Variants in NFILZ observed in about 807,000 individuals in gnomAD.
NFILZ encodes NFIL3 like protein.
intron 3 of NFILZ, 115 bp downstream of exon 3, chr19:8,635,861 G>A (rs527365579): frequency 1.3e-5 from 2 of 152,106 alleles, no homozygotes; most frequent in African/African-American, 4.8e-5. Context: ...TTATTAGACA[G>A]GGTCTTGCTC....
chr19:8,641,465 C>T (rs1367665008), intron 3 of NFILZ, among the ~76,000 whole-genome samples: 6 of 152,146 alleles, frequency 3.9e-5, no homozygotes, highest in Non-Finnish European at 7.3e-5. Flanking sequence ...ATATATTTAC[C>T]CAAAAGATTT....
rs2042953814 is a variant in NFILZ at position 8,648,916 on chromosome 19, T to C, written c.-164+13170T>C. ...GTGATTTCAGGAAGCCCCTATCTTT[T>C]CTTTCAAGGCCCTTATCTCACCCTA... On this transcript the variant is annotated intron_variant, in intron 3 of 5. Coordinates refer to ENST00000691075, the MANE Select transcript of NFILZ (RefSeq NM_001378600.1). 2.0e-5 allele frequency among the ~76,000 whole-genome samples: 3 copies of C among 152,104 alleles called. No homozygotes were observed. In the South Asian group the frequency reaches 6.2e-4, roughly 32 times the overall value.
At chr19:8,663,490 G>GGCGCTGGTGGTGGGGAGGGGTGGA (rs1555749370) in intron 3 of NFILZ, among the ~76,000 whole-genome samples, 2 of 142,724 alleles carry the variant, frequency 1.4e-5, no homozygotes, top group East Asian at 2.1e-4. Context: ...AGGTGGAGGG[G>GGCGCTGGTGGTGGGGAGGGGTGGA]ACGCTGGTGG....
At chr19:8,656,405 C>CCCTGAAGCCCCCT (rs2042999269) in intron 3 of NFILZ, among the ~76,000 whole-genome samples, 1 of 101,174 alleles carries the variant, frequency 9.9e-6, no homozygotes, top group Non-Finnish European at 2.2e-5. Flanking sequence ...AGCCCACCTT[C>CCCTGAAGCCCCCT]TCTCTGAAAC....
chr19:8,637,127 T>TA, intron 3 of NFILZ, among the ~76,000 whole-genome samples: 1 of 152,046 alleles, frequency 6.6e-6, no homozygotes, highest in Non-Finnish European at 1.5e-5. Flanking sequence ...CCCAGTACTT[T>TA]AAGAGGCCAA....
intron 3 of NFILZ, among the ~76,000 whole-genome samples, chr19:8,636,285 TAAAAATAC>T (rs1437478565): frequency 6.6e-6 from 1 of 150,778 alleles, no homozygotes; most frequent in Non-Finnish European, 1.5e-5. Context: ...CCGTCTCTAC[TAAAAATAC>T]AAAAATTAAC....
intron 3 of NFILZ, among the ~76,000 whole-genome samples, chr19:8,648,046 T>C (rs547221907): frequency 6.0e-5 from 9 of 150,576 alleles, no homozygotes; most frequent in African/African-American, 2.2e-4. Flanking sequence ...TGGTAGCGGG[T>C]GCCTGTAGTC....
At chr19:8,666,299 AACCTTG>A (rs1383580176) in intron 3 of NFILZ, among the ~76,000 whole-genome samples, 1 of 151,290 alleles carries the variant, frequency 6.6e-6, no homozygotes, top group Non-Finnish European at 1.5e-5. Flanking sequence ...AGCTCATTGC[AACCTTG>A]ACCTCCTGGG....
chr19:8,655,945 C>G (rs1237270965), intron 3 of NFILZ, among the ~76,000 whole-genome samples: 1 of 152,016 alleles, frequency 6.6e-6, no homozygotes, highest in Non-Finnish European at 1.5e-5. Context: ...GAGTCTCTGT[C>G]TCTCTCTGTG....
At chr19:8,656,657 A>G (rs942123663) in intron 3 of NFILZ, among the ~76,000 whole-genome samples, 49 of 152,308 alleles carry the variant, frequency 3.2e-4, no homozygotes, top group African/African-American at 1.2e-3. Flanking sequence ...GCCGCCGCCC[A>G]ATGTTTCCCT....
chr19:8,648,217 T>G (rs115739410), intron 3 of NFILZ, among the ~76,000 whole-genome samples: 2,987 of 149,040 alleles, frequency 0.02, 109 homozygotes, highest in African/African-American at 0.07. Context: ...AATGCCGGGC[T>G]TAATACCTAG....
intron 3 of NFILZ, among the ~76,000 whole-genome samples, chr19:8,652,971 CCTT>C (rs2042972024): frequency 1.7e-4 from 18 of 103,836 alleles, no homozygotes; most frequent in African/African-American, 3.1e-4. Flanking sequence ...TTCCTTCCCT[CCTT>C]CCTTCCTTCC....
chr19:8,636,737 G>A (rs1311797038), intron 3 of NFILZ, among the ~76,000 whole-genome samples: 4 of 151,730 alleles, frequency 2.6e-5, no homozygotes, highest in Non-Finnish European at 4.4e-5. Context: ...GATTACAGGC[G>A]TGAGCCACCA....
chr19:8,661,048 C>CCCTCCCTCCCTTCCTTCCT lies in NFILZ; in HGVS notation c.-163-13485_-163-13484insTCCTCCCTCCCTTCCTTCC, dbSNP rs2043028427. ...CCCTCCCTCTCCCTCCCTTCCGTCCCCCTCCCTCCCTTCCTTCCCCCTCCC... is the reference window on the plus strand; with the variant it reads ...CCCTCCCTCTCCCTCCCTTCCGTCCCCCTCCCTCCCTTCCTTCCTCCTCCCTCCCTTCCTTCCCCCTCCC... On this transcript the variant is annotated intron_variant, in intron 3 of 5. Transcript: ENST00000691075. Among the ~76,000 whole-genome samples the CCCTCCCTCCCTTCCTTCCT allele has an allele frequency of 7.7e-4, 78 of 101,362 alleles. 3 individuals carry two copies. Among genetic ancestry groups the CCCTCCCTCCCTTCCTTCCT allele is most frequent in the Non-Finnish European group, 1.2e-3 (59 of 47,624 alleles). The allele number at this position is 101,362 out of a possible 152,430, so 66.5% of individuals were successfully genotyped here.
At position 8,678,333 on chromosome 19, in the gene NFILZ, T is replaced by G. The variant is rs1459382169; in HGVS notation, c.*698T>G. Among the ~76,000 whole-genome samples the G allele has an allele frequency of 6.6e-6, 1 of 151,392 alleles. No homozygotes were observed. The highest frequency in any genetic ancestry group is 2.4e-5 in the African/African-American group (1 of 41,188). Reference sequence around the variant, plus strand: ...TTCCTTCTTTCTATCTAGCCATCCATTCTCATTCATCCATGCATTTGTTTT... The same window carrying G: ...TTCCTTCTTTCTATCTAGCCATCCAGTCTCATTCATCCATGCATTTGTTTT... On this transcript the variant is annotated 3_prime_UTR_variant, in exon 6 of 6. Coordinates refer to ENST00000691075, the MANE Select transcript of NFILZ (RefSeq NM_001378600.1).
chr19:8,653,014 T>TCC (rs2042974205), intron 3 of NFILZ, among the ~76,000 whole-genome samples: 6 of 40,398 alleles, frequency 1.5e-4, no homozygotes, highest in Admixed American at 1.2e-3. Context: ...CTTCCTTCCT[T>TCC]TCTTTCTTTC....
intron 3 of NFILZ, among the ~76,000 whole-genome samples, chr19:8,642,599 T>C (rs556421979): frequency 6.6e-6 from 1 of 152,152 alleles, no homozygotes; most frequent in African/African-American, 2.4e-5. Flanking sequence ...ATGAGTCCAT[T>C]AGCAGGCTGT....
intron 3 of NFILZ, among the ~76,000 whole-genome samples, chr19:8,664,679 G>A (rs925813511): frequency 6.6e-6 from 1 of 152,114 alleles, no homozygotes; most frequent in African/African-American, 2.4e-5. Flanking sequence ...TGGCCCTTCC[G>A]AGAAACCTGG....
At chr19:8,637,009 A>G (rs2042897823) in intron 3 of NFILZ, among the ~76,000 whole-genome samples, 1 of 152,178 alleles carries the variant, frequency 6.6e-6, no homozygotes, top group African/African-American at 2.4e-5. Context: ...CAGGTGAGGT[A>G]TAGGACAGGG....
Sources: allele counts gnomAD v4.1 joint callset (sites outside exome capture counted in the v4.1 genomes callset), GRCh38; gene constraint gnomAD v4.1.1; transcripts MANE v1.5; gene names NCBI Gene and HGNC (gene_info 2026-07-23, HGNC 2026-07-21).